The following ZC2HC1B variants were observed in gnomAD, a reference collection of about 807,000 sequenced individuals.
ZC2HC1B encodes zinc finger C2HC-type containing 1B, also known as zinc finger C2HC domain-containing protein 1B.
In ZC2HC1B, 36 loss-of-function variants were observed where a neutral mutation model predicts 31.0. The observed-to-expected ratio is 1.16, with a 90% CI of 0.89 to 1.54. The LOEUF (loss-of-function observed/expected upper bound fraction) is 1.54. Ranked by LOEUF, ZC2HC1B falls within the 40% of genes most tolerant of loss-of-function variation. ZC2HC1B has a pLI of 0.00. For missense variants in ZC2HC1B, 260 were observed against 268.6 expected (o/e 0.97, Z 0.22); for synonymous variants, 73 against 88.0 (o/e 0.83, Z 0.95).
rs1352800183 is a variant in ZC2HC1B at position 143,922,231 on chromosome 6, G to A, written c.599-15418G>A. ...TTGTACATGTTTATGGAATACATGT[G>A]GTATTTTGATACATGAATAAAATGT... is the stretch of plus-strand genomic sequence containing the variant. On this transcript the variant is annotated intron_variant, in intron 6 of 7. Transcript: ENST00000237275. This position sits in a 1 kb window ranked among gnomAD's most constrained non-coding sequence, Gnocchi z 5.0. Among the ~76,000 whole-genome samples the A allele has an allele frequency of 1.3e-5, 2 of 152,092 alleles. No homozygotes were observed. The highest frequency in any genetic ancestry group is 2.9e-5 in the Non-Finnish European group (2 of 67,984).
chr6:143,920,823 G>A (rs545310811), intron 6 of ZC2HC1B, among the ~76,000 whole-genome samples: 17 of 150,232 alleles, frequency 1.1e-4, no homozygotes, highest in East Asian at 2.0e-4. Flanking sequence ...CAGGAGAATC[G>A]CTTGAACCCA....
At chr6:143,878,888 C>G (rs751089857) in intron 1 of ZC2HC1B, among the ~76,000 whole-genome samples, 57 of 152,176 alleles carry the variant, frequency 3.7e-4, no homozygotes, top group Non-Finnish European at 6.0e-4. Context: ...GCTGTATACT[C>G]ATGCCTTCAG....
intron 6 of ZC2HC1B, among the ~76,000 whole-genome samples, chr6:143,916,306 AGAAGAT>A (rs930136056): frequency 2.0e-5 from 3 of 152,250 alleles, no homozygotes; most frequent in Non-Finnish European, 4.4e-5. Flanking sequence ...TCTAGATTTC[AGAAGAT>A]GTATGGAAAC....
intron 6 of ZC2HC1B, among the ~76,000 whole-genome samples, chr6:143,919,339 G>C (rs1281482914): frequency 2.0e-5 from 3 of 151,430 alleles, no homozygotes; most frequent in Non-Finnish European, 4.4e-5. Context: ...TTGAGCTTGT[G>C]CCTTTCTCTG....
intron 4 of ZC2HC1B, among the ~76,000 whole-genome samples, chr6:143,894,910 G>A (rs565273615): frequency 6.6e-6 from 1 of 152,100 alleles, no homozygotes; most frequent in African/African-American, 2.4e-5. Flanking sequence ...GGGGATTATT[G>A]TTTCTCTAAA....
chr6:143,891,264 G>A (rs910503146), intron 4 of ZC2HC1B, among the ~76,000 whole-genome samples: 6 of 151,880 alleles, frequency 4.0e-5, no homozygotes, highest in Non-Finnish European at 7.4e-5. Context: ...AAATTAAAGA[G>A]GACCAGAATA....
chr6:143,900,618 C>A (rs890131771), intron 5 of ZC2HC1B, among the ~76,000 whole-genome samples: 21 of 151,712 alleles, frequency 1.4e-4, no homozygotes, highest in Admixed American at 1.1e-3. Context: ...TGGAATAGGA[C>A]GATTAATAGA....
At chr6:143,926,415 A>G (rs898540135) in intron 6 of ZC2HC1B, among the ~76,000 whole-genome samples, 1 of 150,576 alleles carries the variant, frequency 6.6e-6, no homozygotes, top group Non-Finnish European at 1.5e-5. Context: ...ATGTATTTGT[A>G]TAGTTTCCAA....
rs1272118652 is a variant in ZC2HC1B at position 143,938,289 on chromosome 6, T to C, written c.*162T>C. 1 of 152,292 alleles carries C rather than the reference T, an allele frequency of 6.6e-6. No individual in the cohort carries two copies. The highest frequency in any genetic ancestry group is 2.4e-5 in the African/African-American group (1 of 41,466). 9.4% of individuals were successfully genotyped at this position (152,292 alleles called of 1,614,324 possible). On this transcript the variant is annotated 3_prime_UTR_variant, in exon 8 of 8. Coordinates refer to ENST00000237275, the MANE Select transcript of ZC2HC1B (RefSeq NM_001013623.3). The surrounding 1 kb of genome is among the most constrained non-coding windows in gnomAD (Gnocchi z 4.2). The stretch of plus-strand genomic sequence containing the variant: ...AACAAGTAAAACTTGCTTCAGATTT[T>C]TATTTACTCCCTTTGAAGTTTTCAA...
At chr6:143,937,988 T>C (rs1486184728) in intron 7 of ZC2HC1B, among the ~76,000 whole-genome samples, 154 bp from the exon 8 acceptor site, 1 of 152,230 alleles carries the variant, frequency 6.6e-6, no homozygotes, top group Non-Finnish European at 1.5e-5. Context: ...CCTTTTCCCT[T>C]TTTCTAAGCA....
rs1168841977 is a variant in ZC2HC1B, at chr6:143,865,085, A to G, written c.28+518A>G. On this transcript the variant is annotated intron_variant, in intron 1 of 7. Transcript: ENST00000237275. This position sits in a 1 kb window ranked among gnomAD's most constrained non-coding sequence, Gnocchi z 4.4. ...TAGGCCATGAGTCTTGATGAAGCAT[A>G]TTGTGATTTAGGCAGGTTATACTCC... 6.6e-6 allele frequency among the ~76,000 whole-genome samples: 1 copy of G among 152,214 alleles called. No homozygotes were observed. Among genetic ancestry groups the G allele is most frequent in the African/African-American group, 2.4e-5 (1 of 41,450 alleles).
chr6:143,882,144 T>G (rs960595125), intron 1 of ZC2HC1B, among the ~76,000 whole-genome samples: 1 of 151,612 alleles, frequency 6.6e-6, no homozygotes, highest in Admixed American at 6.6e-5. Context: ...TAACCCTGTC[T>G]TATAGGGTCA....
At chr6:143,914,908 AG>A (rs1266927153) in intron 6 of ZC2HC1B, among the ~76,000 whole-genome samples, 1 of 152,198 alleles carries the variant, frequency 6.6e-6, no homozygotes, top group Non-Finnish European at 1.5e-5. Context: ...ATCTAAAATG[AG>A]TATCTTATAG....
chr6:143,880,205 A>C (rs1428576176), intron 1 of ZC2HC1B, among the ~76,000 whole-genome samples: 1 of 152,142 alleles, frequency 6.6e-6, no homozygotes, highest in African/African-American at 2.4e-5. Flanking sequence ...TAACATTTTC[A>C]AAGATTATAA....
At position 143,933,910 on chromosome 6, in the gene ZC2HC1B, T is replaced by A. The variant is rs9918335; in HGVS notation, c.599-3739T>A. Among the ~76,000 whole-genome samples the A allele has an allele frequency of 0.36, 55,282 of 152,056 alleles. 10,253 individuals are homozygous for A. Among genetic ancestry groups the A allele is most frequent in the South Asian group, 0.48 (2,309 of 4,812 alleles). Reference sequence around the variant, plus strand: ...CAGTCAAAATTATTACAAAGTTCAGTTGGAAGCTTCTTTCACCCTGTGACC... The same window carrying A: ...CAGTCAAAATTATTACAAAGTTCAGATGGAAGCTTCTTTCACCCTGTGACC... On this transcript the variant is annotated intron_variant, in intron 6 of 7. Coordinates refer to ENST00000237275, the MANE Select transcript of ZC2HC1B (RefSeq NM_001013623.3). The surrounding 1 kb of genome is among the most constrained non-coding windows in gnomAD (Gnocchi z 6.4).
Position 143,869,944 on chromosome 6 carries a change from C to G in ZC2HC1B, c.28+5377C>G, listed in dbSNP as rs781440045. Among the ~76,000 whole-genome samples, 14 of 152,220 alleles carry G rather than the reference C, an allele frequency of 9.2e-5. No individual in the cohort carries two copies. Among genetic ancestry groups the G allele is most frequent in the Non-Finnish European group, 1.9e-4 (13 of 68,036 alleles). On this transcript the variant is annotated intron_variant, in intron 1 of 7. Transcript: ENST00000237275. The surrounding 1 kb of genome is among the most constrained non-coding windows in gnomAD (Gnocchi z 5.2). The stretch of plus-strand genomic sequence containing the variant: ...TCCACAGAACGGGTCATCCTATCCA[C>G]TTGATTATTAAAATCCTCCTCTGCT...
At chr6:143,929,345 G>T (rs568842143) in intron 6 of ZC2HC1B, among the ~76,000 whole-genome samples, 5 of 152,098 alleles carry the variant, frequency 3.3e-5, no homozygotes, top group African/African-American at 4.8e-5. Flanking sequence ...TGATAATATG[G>T]TTTTTGTTTT....
chr6:143,901,352 C>G (rs912732724), intron 5 of ZC2HC1B, among the ~76,000 whole-genome samples: 1 of 142,616 alleles, frequency 7.0e-6, no homozygotes, highest in East Asian at 2.1e-4. Flanking sequence ...CTCCGCCTCC[C>G]GGGTTCAAGC....
rs1777533090 is a variant in ZC2HC1B, at chr6:143,886,690, C to T, written c.218C>T (p.Pro73Leu). 2 of 1,540,574 alleles carry T rather than the reference C, an allele frequency of 1.3e-6. No homozygotes were observed. The highest frequency in any genetic ancestry group is 2.0e-5 in the Admixed American group (1 of 49,356). Reference protein sequence around the residue: ...VKKTPQSKSPPVRKSNWRQQH... With the variant: ...VKKTPQSKSPLVRKSNWRQQH... ...TGGTTTTATTTTTTACAGTCTCCACCTGTGAGGAAGTCTAACTGGAGACAA... is the reference window on the plus strand; with the variant it reads ...TGGTTTTATTTTTTACAGTCTCCACTTGTGAGGAAGTCTAACTGGAGACAA... The change falls in exon 4 of 8, where the codon CCT becomes CTT. Residue 73 changes from proline to leucine, a missense_variant. Transcript: ENST00000237275. The surrounding 1 kb of genome is among the most constrained non-coding windows in gnomAD (Gnocchi z 4.2).
Sources: gnomAD v4.1 joint callset for allele counts (sites outside exome capture counted in the v4.1 genomes callset) on GRCh38, gnomAD v4.1.1 for gene constraint, Gnocchi (gnomAD v3.1) non-coding constraint, MANE v1.5 for transcripts, NCBI Gene and HGNC (gene_info 2026-07-23, HGNC 2026-07-21) for gene names.